Variants in STARD9 observed in about 807,000 individuals in gnomAD.
STARD9 encodes StAR related lipid transfer domain containing 9, also known as stAR-related lipid transfer protein 9.
STARD9 carries 346 observed loss-of-function variants against 399.8 expected under a neutral mutation model. That is an observed-to-expected ratio of 0.87 (90% CI 0.79 to 0.95). The LOEUF is 0.95. Ranked by LOEUF, STARD9 falls within the 40% of genes least tolerant of loss-of-function variation. The probability of loss-of-function intolerance (pLI) is 0.00; values close to 1 mark genes in which losing one functional copy is unlikely to be tolerated. For synonymous variants in STARD9, 2,203 were observed against 2,143.5 expected (o/e 1.03, Z -0.77); for missense variants, 5,832 against 5,667.5 (o/e 1.03, Z -0.93).
At chr15:42,636,186 C>A (rs760404983) in intron 4 of STARD9, among the ~76,000 whole-genome samples, 3 of 152,094 alleles carry the variant, frequency 2.0e-5, no homozygotes, top group Non-Finnish European at 2.9e-5. Context: ...GTCCCAGCTA[C>A]TTAGGAGGCT....
In STARD9 at chr15:42,689,844, ACT is replaced by A; in HGVS notation, c.8269_8270del (p.Leu2757AlafsTer2). The A allele has an allele frequency of 1.3e-6, 2 of 1,537,168 alleles. No individual in the cohort carries two copies. Among genetic ancestry groups the A allele is most frequent in the Non-Finnish European group, 1.7e-6 (2 of 1,146,920 alleles). ...SQAPYDDPRV[T>X]LHELSQSVPQ... ...GGCCCCTTATGATGATCCTAGAGTG[ACT>A]CTGCATGAGCTAAGTCAGTCAGTTC... On this transcript the variant is annotated frameshift_variant, in exon 23 of 33. Transcript: ENST00000290607. LOFTEE classifies it high-confidence loss of function.
At chr15:42,702,757 GA>G (rs767870743) in intron 26 of STARD9, among the ~76,000 whole-genome samples, 3 of 152,174 alleles carry the variant, frequency 2.0e-5, no homozygotes, top group East Asian at 3.8e-4. Flanking sequence ...ATTTGTCTGG[GA>G]AAGTCTTTCC....
intron 26 of STARD9, among the ~76,000 whole-genome samples, chr15:42,704,613 T>G (rs2061036126): frequency 6.6e-6 from 1 of 152,146 alleles, no homozygotes; most frequent in African/African-American, 2.4e-5. Flanking sequence ...TAGCTGGGAC[T>G]CTGTTACAGA....
chr15:42,661,112 A>G (rs1440069573), intron 9 of STARD9, 46 bp from the exon 10 acceptor site: 4 of 1,396,214 alleles, frequency 2.9e-6, no homozygotes, highest in Non-Finnish European at 2.9e-6. Context: ...GGGGAAAACA[A>G]TACAAATCGT....
intron 3 of STARD9, among the ~76,000 whole-genome samples, chr15:42,588,776 GT>G (rs758570571): frequency 2.6e-5 from 1 of 38,414 alleles, no homozygotes; most frequent in African/African-American, 1.2e-4. Context: ...TCTTCACAGC[GT>G]TTTTTTTTTT....
chr15:42,646,192 A>G (rs1259651261), intron 7 of STARD9, among the ~76,000 whole-genome samples: 2 of 151,988 alleles, frequency 1.3e-5, no homozygotes, highest in East Asian at 1.9e-4. Context: ...TAATAATGAT[A>G]ATAATAATAA....
At chr15:42,719,107 G>C (rs1450703393) in intron 32 of STARD9, among the ~76,000 whole-genome samples, 197 bp downstream of exon 32, 5 of 152,214 alleles carry the variant, frequency 3.3e-5, no homozygotes, top group Non-Finnish European at 7.3e-5. Context: ...TGCGACAGGA[G>C]TTTATCAATC....
chr15:42,683,737 A>C (rs2140218239), intron 22 of STARD9, among the ~76,000 whole-genome samples: 1 of 152,136 alleles, frequency 6.6e-6, no homozygotes, highest in East Asian at 1.9e-4. Context: ...TGTAATCATT[A>C]TTTTTATTTC....
At chr15:42,716,896 C>T (rs2061360871) in intron 27 of STARD9, 31 bp from the exon 28 acceptor site, 1 of 1,536,544 alleles carries the variant, frequency 6.5e-7, no homozygotes, top group East Asian at 2.4e-5. Context: ...ATGTTCAGTG[C>T]TATCACAGGG....
intron 2 of STARD9, 102 bp from the exon 3 acceptor site, chr15:42,585,419 C>A: frequency 1.5e-6 from 1 of 652,122 alleles, no homozygotes; most frequent in Non-Finnish European, 2.6e-6. Context: ...AGTCTCATGA[C>A]CAGTCCAAGT....
At position 42,656,546 on chromosome 15, in the gene STARD9, A is replaced by C. The variant is rs1463170287; in HGVS notation, c.702+3954A>C. 2.0e-5 allele frequency among the ~76,000 whole-genome samples: 3 copies of C among 152,116 alleles called. No homozygotes were observed. The East Asian group carries it at 5.8e-4, about 29-fold the overall frequency. On this transcript the variant is annotated intron_variant, in intron 9 of 32. Transcript: ENST00000290607. Reference sequence around the variant, plus strand: ...ACTTGCACATGCATGTTTTAGCAGCACAATTCACATTTGCAAAAATACAGA... The same window carrying C: ...ACTTGCACATGCATGTTTTAGCAGCCCAATTCACATTTGCAAAAATACAGA...
At position 42,669,348 on chromosome 15, in the gene STARD9, T is replaced by A; in HGVS notation, c.1497+11T>A. On this transcript the variant is annotated intron_variant, in intron 16 of 32. Transcript: ENST00000290607. ...CTCTATCATCTCAAGGTGAGGAGGC[T>A]AGTGTATCCTTTTCTTCCTAAGCCA... 1 of 1,501,560 alleles carries A rather than the reference T, an allele frequency of 6.7e-7. No individual in the cohort carries two copies. Among genetic ancestry groups the A allele is most frequent in the African/African-American group, 1.4e-5 (1 of 72,632 alleles). 93.0% of individuals were successfully genotyped at this position (1,501,560 alleles called of 1,614,324 possible).
chr15:42,687,433 T>C lies in STARD9; in HGVS notation c.5855T>C (p.Val1952Ala). ...ESAVSLKSRS[V>A]DRRVSSPVMV... is the part of the protein sequence containing the mutation. ...GCTGTTTCTTTGAAATCCAGATCAG[T>C]AGATCGTAGAGTAAGCAGCCCAGTG... The change falls in exon 23 of 33, where the codon GTA (valine) becomes GCA (alanine). Residue 1952 changes from valine (V) to alanine (A), a missense_variant. By Grantham distance (64) the Val-to-Ala change is moderately conservative (BLOSUM62 0). Transcript: ENST00000290607. 1 of 1,537,028 alleles carries C rather than the reference T, an allele frequency of 6.5e-7. No homozygotes were observed. The highest frequency in any genetic ancestry group is 8.7e-7 in the Non-Finnish European group (1 of 1,146,878).
chr15:42,686,839 A>G lies in STARD9; in HGVS notation c.5261A>G (p.Asp1754Gly). 6.5e-7 allele frequency: 1 copy of G among 1,537,110 alleles called. No homozygotes were observed. Among genetic ancestry groups the G allele is most frequent in the Non-Finnish European group, 8.7e-7 (1 of 1,146,908 alleles). ...ACATTCTATGTGACCAAAAGCAGGG[A>G]TGCCCTGACAGAAACTGCCTTAGAG... ...LETFYVTKSR[D>G]ALTETALEIP... Residue 1754 changes from aspartate (D) to glycine (G), a missense_variant, in exon 23 of 33, where the codon GAT becomes GGT. This residue lies in a region of STARD9 where 5,828 missense variants were observed against 5,651.1 expected (regional missense o/e 1.03). Coordinates refer to ENST00000290607, the MANE Select transcript of STARD9 (RefSeq NM_020759.3).
chr15:42,651,640 T>C (rs886127055), intron 8 of STARD9, among the ~76,000 whole-genome samples: 13 of 152,186 alleles, frequency 8.5e-5, no homozygotes, highest in African/African-American at 3.1e-4. Flanking sequence ...AAAAGGCTTT[T>C]TTTTTCTGGG....
chr15:42,655,168 G>A (rs932199600), intron 9 of STARD9, among the ~76,000 whole-genome samples: 2 of 152,206 alleles, frequency 1.3e-5, no homozygotes, highest in Admixed American at 1.3e-4. Flanking sequence ...TGTAATCCCA[G>A]CTATTCGGGA....
chr15:42,706,624 AT>A (rs2061091754), intron 26 of STARD9, among the ~76,000 whole-genome samples: 1 of 151,382 alleles, frequency 6.6e-6, no homozygotes, highest in Admixed American at 6.6e-5. Context: ...TAATTTTTGT[AT>A]TTTTAGTAGA....
chr15:42,585,736 CAG>C, intron 3 of STARD9, 99 bp downstream of exon 3: 1 of 687,954 alleles, frequency 1.5e-6, no homozygotes, highest in Non-Finnish European at 2.4e-6. Flanking sequence ...TAGTATAGCA[CAG>C]TTGTACAGAT....
At chr15:42,639,416 T>C (rs1275523971) in intron 7 of STARD9, among the ~76,000 whole-genome samples, 1 of 152,110 alleles carries the variant, frequency 6.6e-6, no homozygotes, top group Admixed American at 6.6e-5. Context: ...ACATCAGACA[T>C]GGGGTAGGAT....
Sources: allele counts gnomAD v4.1 joint callset (sites outside exome capture counted in the v4.1 genomes callset), GRCh38; gene constraint gnomAD v4.1.1; regional missense constraint gnomAD v4.1.1; transcripts MANE v1.5; gene names NCBI Gene and HGNC (gene_info 2026-07-23, HGNC 2026-07-21).